The following DENND1A variants were observed in gnomAD, a reference collection of about 807,000 sequenced individuals.
The protein encoded by DENND1A is DENN domain containing 1A.
DENND1A carries 51 observed loss-of-function variants against 113.7 expected under a neutral mutation model. The observed-to-expected ratio is 0.45, with a 90% CI of 0.36 to 0.57. The LOEUF is 0.57. Among genes scored for constraint, DENND1A ranks in the 20% least tolerant of loss-of-function variants. The pLI is 0.00. For missense variants in DENND1A, 1,258 were observed against 1,395.9 expected (o/e 0.90, Z 1.57); for synonymous variants, 565 against 570.8 (o/e 0.99, Z 0.14).
intron 7 of DENND1A, among the ~76,000 whole-genome samples, chr9:123,668,719 ATAACT>A (rs1006943952): frequency 5.3e-5 from 8 of 152,248 alleles, no homozygotes; most frequent in African/African-American, 1.7e-4. Flanking sequence ...TATAAAAAAG[ATAACT>A]TAAAAAAGCC....
At chr9:123,441,599 C>T (rs1335164635) in intron 18 of DENND1A, among the ~76,000 whole-genome samples, 3 of 152,156 alleles carry the variant, frequency 2.0e-5, no homozygotes, top group South Asian at 2.1e-4. Flanking sequence ...TGACTATACA[C>T]GTGGGTCATT....
intron 10 of DENND1A, among the ~76,000 whole-genome samples, chr9:123,617,528 G>A (rs1371707113): frequency 6.6e-6 from 1 of 152,184 alleles, no homozygotes; most frequent in African/African-American, 2.4e-5. Context: ...CCAAGCCACT[G>A]GACCCAACAG....
At chr9:123,827,154 A>T (rs1839455069) in intron 2 of DENND1A, among the ~76,000 whole-genome samples, 1 of 152,116 alleles carries the variant, frequency 6.6e-6, no homozygotes, top group Non-Finnish European at 1.5e-5. Context: ...TGCATATAAA[A>T]AATTAATTAT....
rs376188526 is a variant in DENND1A at position 123,580,498 on chromosome 9, A to T, written c.867+2671T>A. ...CTCAGTGCCAGCACAGGGTCAGAGC[A>T]GTGCAGGTGGGACCAGTCAGTCCAC... On this transcript the variant is annotated intron_variant, in intron 12 of 23. Coordinates refer to ENST00000394215, the MANE Select transcript of DENND1A (RefSeq NM_001352964.2). Among the ~76,000 whole-genome samples, 16 of 152,360 alleles carry T rather than the reference A, an allele frequency of 1.1e-4. 1 individual carries two copies. The highest frequency in any genetic ancestry group is 7.2e-4 in the Admixed American group (11 of 15,298).
At chr9:123,558,960 G>GA in intron 12 of DENND1A, among the ~76,000 whole-genome samples, 2 of 152,302 alleles carry the variant, frequency 1.3e-5, no homozygotes, top group South Asian at 4.1e-4. Context: ...ATTCTAGTGA[G>GA]AAAAACAGGA....
chr9:123,457,769 A>C (rs1245925285), intron 14 of DENND1A, 24 bp downstream of exon 14: 29 of 1,585,098 alleles, frequency 1.8e-5, no homozygotes, highest in Non-Finnish European at 2.3e-5. Flanking sequence ...AGCCAGACCC[A>C]GGCCAGACCA....
In DENND1A at chr9:123,548,156, T is replaced by C. The variant is rs2056823897; in HGVS notation, c.993+9414A>G. Among the ~76,000 whole-genome samples the C allele has an allele frequency of 2.6e-5, 4 of 152,192 alleles. No individual in the cohort carries two copies. The South Asian group carries it at 6.2e-4, about 24-fold the overall frequency. On this transcript the variant is annotated intron_variant, in intron 13 of 23. Coordinates refer to ENST00000394215, the MANE Select transcript of DENND1A (RefSeq NM_001352964.2). ...CCTTAGCCACTTAGAGCCACAGAGC[T>C]ATAGTGATGGTCCCTGAAGTCCTGG... is the stretch of plus-strand genomic sequence containing the variant.
rs560090894 is a variant in DENND1A, at chr9:123,381,061, C to T, written c.*371G>A. ...GTGGAGGAGACAGGAGAGCTGGGCT[C>T]GGAGGGGAGGCCTTCGGAGCCTCTT... On this transcript the variant is annotated 3_prime_UTR_variant, in exon 24 of 24. Transcript: ENST00000394215. This position sits in a 1 kb window ranked among gnomAD's most constrained non-coding sequence, Gnocchi z 4.7. 3.4e-5 allele frequency: 8 copies of T among 237,104 alleles called. No individual in the cohort carries two copies. Among genetic ancestry groups the T allele is most frequent in the East Asian group, 1.3e-4 (1 of 7,836 alleles). The allele number at this position is 237,104 out of a possible 1,614,324, so 14.7% of individuals were successfully genotyped here.
intron 5 of DENND1A, among the ~76,000 whole-genome samples, chr9:123,684,103 A>G (rs1055564827): frequency 5.7e-5 from 8 of 141,564 alleles, no homozygotes; most frequent in African/African-American, 1.3e-4. Flanking sequence ...CCTCAACACA[A>G]GTAAACCCCA....
intron 5 of DENND1A, among the ~76,000 whole-genome samples, chr9:123,687,237 A>AC (rs927818264): frequency 2.5e-4 from 38 of 151,678 alleles, no homozygotes; most frequent in African/African-American, 8.5e-4. Flanking sequence ...CCTCGCACCT[A>AC]CCCCCCCAGC....
At chr9:123,538,388 G>C (rs1470831133) in intron 13 of DENND1A, among the ~76,000 whole-genome samples, 1 of 152,144 alleles carries the variant, frequency 6.6e-6, no homozygotes, top group African/African-American at 2.4e-5. Flanking sequence ...CAACTCAGTA[G>C]CAATGAGTAT....
At chr9:123,724,578 G>A (rs2067568503) in intron 5 of DENND1A, among the ~76,000 whole-genome samples, 1 of 151,474 alleles carries the variant, frequency 6.6e-6, no homozygotes, top group Non-Finnish European at 1.5e-5. Flanking sequence ...GATTTAAAAT[G>A]AAAGCTAGGA....
At chr9:123,434,841 A>G (rs934277914) in intron 19 of DENND1A, among the ~76,000 whole-genome samples, 1 of 152,092 alleles carries the variant, frequency 6.6e-6, no homozygotes, top group African/African-American at 2.4e-5. Context: ...CTTACAGTGG[A>G]CCCGGCTTAC....
intron 5 of DENND1A, among the ~76,000 whole-genome samples, chr9:123,750,900 A>G (rs1225293707): frequency 1.3e-5 from 2 of 152,172 alleles, no homozygotes; most frequent in Non-Finnish European, 2.9e-5. Flanking sequence ...AGAATAGGAG[A>G]TTCCATCTGT....
intron 5 of DENND1A, among the ~76,000 whole-genome samples, chr9:123,740,460 TA>T (rs2068913542): frequency 6.6e-6 from 1 of 152,200 alleles, no homozygotes; most frequent in Non-Finnish European, 1.5e-5. Flanking sequence ...TTAGCTGGTC[TA>T]CCCAGTAACT....
At chr9:123,730,788 T>C (rs1175526527) in intron 5 of DENND1A, among the ~76,000 whole-genome samples, 1 of 152,194 alleles carries the variant, frequency 6.6e-6, no homozygotes, top group African/African-American at 2.4e-5. Context: ...ATCATTCTAC[T>C]ATAAAGACAC....
intron 10 of DENND1A, among the ~76,000 whole-genome samples, chr9:123,612,999 T>C (rs1347089600): frequency 6.6e-6 from 1 of 152,140 alleles, no homozygotes; most frequent in East Asian, 1.9e-4. Context: ...CCTGGTTCTG[T>C]AGCATACCCG....
intron 11 of DENND1A, among the ~76,000 whole-genome samples, chr9:123,606,832 GAGGA>G (rs1362483365): frequency 6.6e-6 from 1 of 152,240 alleles, no homozygotes; most frequent in South Asian, 2.1e-4. Flanking sequence ...GGATGATGGA[GAGGA>G]ACAAGGAAGC....
chr9:123,526,950 A>G (rs912414714), intron 13 of DENND1A, among the ~76,000 whole-genome samples: 2 of 152,142 alleles, frequency 1.3e-5, no homozygotes, highest in Non-Finnish European at 2.9e-5. Flanking sequence ...GCCCAAGTGG[A>G]CATCTCTTGG....
Sources: gnomAD v4.1 joint callset for allele counts (sites outside exome capture counted in the v4.1 genomes callset) on GRCh38, gnomAD v4.1.1 for gene constraint, Gnocchi (gnomAD v3.1) non-coding constraint, MANE v1.5 for transcripts, NCBI Gene and HGNC (gene_info 2026-07-23, HGNC 2026-07-21) for gene names.